Variants in SLC4A4 observed in about 807,000 individuals in gnomAD.
SLC4A4 encodes solute carrier family 4 member 4, also known as electrogenic sodium bicarbonate cotransporter 1.
Under a neutral mutation model 111.5 loss-of-function variants are expected in SLC4A4, and 27 were observed. The ratio of observed to expected loss-of-function variants is 0.24; its 90% CI spans 0.18 to 0.33. The LOEUF (loss-of-function observed/expected upper bound fraction) is 0.33. SLC4A4 is among the 10% of genes least tolerant of loss of function. The probability of loss-of-function intolerance (pLI) is 1.00; values close to 1 mark genes in which losing one functional copy is unlikely to be tolerated. For missense variants in SLC4A4, 909 were observed against 1,315.5 expected (o/e 0.69, Z 4.78); for synonymous variants, 443 against 463.4 (o/e 0.96, Z 0.57).
At chr4:71,144,924 T>C (rs1457437538) in intron 2 of SLC4A4, among the ~76,000 whole-genome samples, 1 of 152,118 alleles carries the variant, frequency 6.6e-6, no homozygotes, top group African/African-American at 2.4e-5. Flanking sequence ...CTTTTCCTAA[T>C]TGAATGCCCT....
chr4:71,089,618 C>T (rs981385108), intron 1 of SLC4A4, among the ~76,000 whole-genome samples: 25 of 152,082 alleles, frequency 1.6e-4, no homozygotes, highest in Admixed American at 1.4e-3. Context: ...TTCTAACAGT[C>T]AGGACCCTCA....
chr4:71,346,005 C>T (rs868554111), intron 4 of SLC4A4, among the ~76,000 whole-genome samples: 10 of 151,918 alleles, frequency 6.6e-5, no homozygotes, highest in East Asian at 3.9e-4. Context: ...AATAGTTGTA[C>T]GTAGTTGGAA....
At chr4:71,337,881 G>A (rs1198641343) in intron 3 of SLC4A4, among the ~76,000 whole-genome samples, 1 of 151,818 alleles carries the variant, frequency 6.6e-6, no homozygotes, top group African/African-American at 2.4e-5. Flanking sequence ...CCAGGCTGGA[G>A]TGCAATGGCA....
At chr4:71,335,265 G>A (rs776861606) in intron 3 of SLC4A4, among the ~76,000 whole-genome samples, 19 of 152,196 alleles carry the variant, frequency 1.2e-4, no homozygotes, top group Admixed American at 2.6e-4. Flanking sequence ...GATCTTTGAT[G>A]TTGAATGTTG....
At chr4:71,425,967 A>G (rs1272765431) in intron 7 of SLC4A4, among the ~76,000 whole-genome samples, 4 of 152,092 alleles carry the variant, frequency 2.6e-5, no homozygotes, top group African/African-American at 7.2e-5. Flanking sequence ...GGGAATCTCT[A>G]TAGAATGTCA....
intron 18 of SLC4A4, among the ~76,000 whole-genome samples, chr4:71,543,809 A>AT (rs1735277238): frequency 6.6e-6 from 1 of 152,108 alleles, no homozygotes; most frequent in Admixed American, 6.6e-5. Flanking sequence ...TAAAGAGGGC[A>AT]TAAAAATTCT....
At chr4:71,179,106 T>C (rs908819898) in intron 2 of SLC4A4, among the ~76,000 whole-genome samples, 5 of 152,022 alleles carry the variant, frequency 3.3e-5, no homozygotes, top group Non-Finnish European at 7.4e-5. Context: ...ACAAAAACCA[T>C]ATGATTATCT....
At chr4:71,137,922 A>G (rs911384516) in intron 2 of SLC4A4, among the ~76,000 whole-genome samples, 11 of 152,242 alleles carry the variant, frequency 7.2e-5, no homozygotes, top group Non-Finnish European at 1.5e-5. Context: ...TTGGTTGATA[A>G]GAGAGGTTTC....
chr4:71,536,161 G>A (rs552884235), intron 18 of SLC4A4, among the ~76,000 whole-genome samples: 1 of 151,930 alleles, frequency 6.6e-6, no homozygotes, highest in Non-Finnish European at 1.5e-5. Flanking sequence ...AGTGGAAGAT[G>A]CTAGGCCATT....
chr4:71,198,788 C>T (rs980224896), intron 1 of SLC4A4, among the ~76,000 whole-genome samples: 1 of 152,030 alleles, frequency 6.6e-6, no homozygotes, highest in African/African-American at 2.4e-5. Context: ...TAGTGAGACC[C>T]TGTCTCTACA....
chr4:71,408,255 A>G (rs1038022718), intron 7 of SLC4A4, among the ~76,000 whole-genome samples: 1 of 152,194 alleles, frequency 6.6e-6, no homozygotes, highest in African/African-American at 2.4e-5. Flanking sequence ...AGACTTAAGT[A>G]AGCATAGTAA....
chr4:71,150,746 G>A (rs1383233201), intron 2 of SLC4A4, among the ~76,000 whole-genome samples: 3 of 152,108 alleles, frequency 2.0e-5, no homozygotes, highest in Admixed American at 1.3e-4. Flanking sequence ...TTCACCTTTG[G>A]CAGCTTGCGG....
Position 71,357,066 on chromosome 4 carries a change from G to A in SLC4A4, c.609G>A (p.Lys203=), listed in dbSNP as rs759389691. 10 of 1,614,154 alleles carry A rather than the reference G, an allele frequency of 6.2e-6. No individual in the cohort carries two copies. Among genetic ancestry groups the A allele is most frequent in the Middle Eastern group, 1.7e-4 (1 of 6,060 alleles). The change falls in exon 6 of 26, where the codon AAG becomes AAA. Residue 203 remains lysine (K), a synonymous_variant. Transcript: ENST00000264485. ...TATTGAAACCTGAACTTAAGGATAA[G>A]GTGACCTATACTTTGCTCCGGAAGC... The part of the protein sequence containing the change: ...TGLLKPELKD[K]VTYTLLRKHR...
At chr4:71,357,257 A>G (rs926079285) in intron 6 of SLC4A4, 70 bp downstream of exon 6, 1 of 1,475,470 alleles carries the variant, frequency 6.8e-7, no homozygotes, top group African/African-American at 1.4e-5. Context: ...GTCTCCTGTC[A>G]TCTTTGTTTT....
chr4:71,503,687 A>G (rs1578060791), intron 16 of SLC4A4, among the ~76,000 whole-genome samples: 1 of 152,058 alleles, frequency 6.6e-6, no homozygotes, highest in East Asian at 1.9e-4. Context: ...CGACCATTTT[A>G]AGTTTAAACC....
chr4:71,202,525 T>C (rs1344847939), intron 1 of SLC4A4, among the ~76,000 whole-genome samples: 1 of 152,198 alleles, frequency 6.6e-6, no homozygotes, highest in Non-Finnish European at 1.5e-5. Context: ...TCTTTTAAAA[T>C]ATCAAGTGTG....
chr4:71,427,409 A>C lies in SLC4A4; in HGVS notation c.808-13207A>C, dbSNP rs1020947075. Among the ~76,000 whole-genome samples, 3 of 152,086 alleles carry C rather than the reference A, an allele frequency of 2.0e-5. 1 individual carries two copies. The highest frequency in any genetic ancestry group is 1.3e-4 in the Admixed American group (2 of 15,244). On this transcript the variant is annotated intron_variant, in intron 7 of 25. Coordinates refer to ENST00000264485, the MANE Select transcript of SLC4A4 (RefSeq NM_001098484.3). ...TCAATGATATAATATTTTTATCTCT[A>C]GGACAAGTATTTTGTTTTTTAAATG...
At chr4:71,282,962 A>C (rs981911863) in intron 3 of SLC4A4, among the ~76,000 whole-genome samples, 1 of 152,204 alleles carries the variant, frequency 6.6e-6, no homozygotes, top group Admixed American at 6.5e-5. Flanking sequence ...TTCCGCAACG[A>C]TAAAGGGACT....
At chr4:71,542,842 A>G (rs557049117) in intron 18 of SLC4A4, among the ~76,000 whole-genome samples, 1 of 152,222 alleles carries the variant, frequency 6.6e-6, no homozygotes, top group Admixed American at 6.5e-5. Flanking sequence ...TGTATTATTT[A>G]TAACTTTACC....
Sources: gnomAD v4.1 joint callset for allele counts (sites outside exome capture counted in the v4.1 genomes callset) on GRCh38, gnomAD v4.1.1 for gene constraint, MANE v1.5 for transcripts, NCBI Gene and HGNC (gene_info 2026-07-23, HGNC 2026-07-21) for gene names.